TOM1L2: variants seen among roughly 807,000 people sequenced by gnomAD.
The protein encoded by TOM1L2 is target of myb1 like 2 membrane trafficking protein, also known as TOM1-like protein 2.
TOM1L2 carries 31 observed loss-of-function variants against 67.9 expected under a neutral mutation model. That is an observed-to-expected ratio of 0.46 (90% confidence interval 0.34 to 0.62). TOM1L2 has a LOEUF of 0.62. TOM1L2 is among the 20% of genes least tolerant of loss of function. The pLI is 0.01. For synonymous variants in TOM1L2, 256 were observed against 254.0 expected (o/e 1.01, Z -0.07); for missense variants, 606 against 663.5 (o/e 0.91, Z 0.95).
intron 3 of TOM1L2, among the ~76,000 whole-genome samples, chr17:17,896,241 C>T (rs2038563516): frequency 6.6e-6 from 1 of 152,102 alleles, no homozygotes; most frequent in African/African-American, 2.4e-5. Context: ...TTCCTCCCAA[C>T]TCAGGCAGTG....
rs9897573 is a variant in TOM1L2, at chr17:17,896,420, G to A, written c.216+2176C>T. The stretch of plus-strand genomic sequence containing the variant: ...CTCCACTCTCAGAGCAACAGTGGCA[G>A]GAACCACTGCCCGCCATTAGGGAAT... On this transcript the variant is annotated intron_variant, in intron 3 of 14. Transcript: ENST00000379504. 9.2e-3 allele frequency among the ~76,000 whole-genome samples: 1,396 copies of A among 152,306 alleles called. 19 individuals are homozygous for A. The highest frequency in any genetic ancestry group is 0.03 in the African/African-American group (1,227 of 41,564).
chr17:17,900,785 T>C (rs1320389447), intron 2 of TOM1L2, among the ~76,000 whole-genome samples: 1 of 152,310 alleles, frequency 6.6e-6, no homozygotes, highest in Non-Finnish European at 1.5e-5. Flanking sequence ...ATATGGGACT[T>C]AACCGGCTCT....
At chr17:17,960,961 C>T (rs144566546) in intron 1 of TOM1L2, among the ~76,000 whole-genome samples, 9 of 152,196 alleles carry the variant, frequency 5.9e-5, no homozygotes, top group Non-Finnish European at 1.3e-4. Flanking sequence ...AACTTTTGTG[C>T]ATTAAAGGAC....
intron 1 of TOM1L2, among the ~76,000 whole-genome samples, chr17:17,932,330 A>T (rs984399003): frequency 2.0e-5 from 3 of 152,162 alleles, no homozygotes; most frequent in African/African-American, 7.2e-5. Flanking sequence ...GAGTCTTGGT[A>T]CTTTGCCCAG....
At chr17:17,930,760 GT>G (rs1321895088) in intron 1 of TOM1L2, among the ~76,000 whole-genome samples, 1 of 152,180 alleles carries the variant, frequency 6.6e-6, no homozygotes, top group Non-Finnish European at 1.5e-5. Flanking sequence ...AAGAAGAAAT[GT>G]TTTACCAAGA....
intron 1 of TOM1L2, among the ~76,000 whole-genome samples, chr17:17,963,044 G>A (rs1388237022): frequency 6.6e-6 from 1 of 151,852 alleles, no homozygotes; most frequent in Non-Finnish European, 1.5e-5. Context: ...GTGCCCTCAT[G>A]GAACATTTAG....
chr17:17,896,694 C>T (rs747997662), intron 3 of TOM1L2, among the ~76,000 whole-genome samples: 14 of 152,122 alleles, frequency 9.2e-5, no homozygotes, highest in African/African-American at 3.4e-4. Context: ...CAGAATGAAG[C>T]CAAAAGCCAT....
chr17:17,855,975 A>AC lies in TOM1L2; in HGVS notation c.1279-5024dup, dbSNP rs1491136482. On this transcript the variant is annotated intron_variant, in intron 12 of 14. Transcript: ENST00000379504. The stretch of plus-strand genomic sequence containing the variant: ...ATTTGTTGTAAAGAAAAAAAAAAAA[A>AC]CAAACTGCAGTCAGTCAGGCAAGAC... Among the ~76,000 whole-genome samples the AC allele has an allele frequency of 3.4e-5, 5 of 147,926 alleles. No individual in the cohort carries two copies. The East Asian group carries it at 7.7e-4, about 23-fold the overall frequency.
chr17:17,903,541 A>C (rs951231511), intron 2 of TOM1L2, among the ~76,000 whole-genome samples: 2 of 147,960 alleles, frequency 1.4e-5, no homozygotes, highest in African/African-American at 5.0e-5. Context: ...TGAACCCGGG[A>C]GGCGGAGCTT....
intron 1 of TOM1L2, among the ~76,000 whole-genome samples, chr17:17,959,068 T>C (rs960636827): frequency 1.3e-5 from 2 of 152,234 alleles, no homozygotes; most frequent in Admixed American, 6.5e-5. Flanking sequence ...CATTTGGCTG[T>C]TGCTGAGTTA....
intron 1 of TOM1L2, among the ~76,000 whole-genome samples, chr17:17,951,352 T>A (rs1568365121): frequency 6.6e-6 from 1 of 152,196 alleles, no homozygotes; most frequent in Non-Finnish European, 1.5e-5. Flanking sequence ...TTAAAGAATA[T>A]ACAAAATGCC....
intron 12 of TOM1L2, among the ~76,000 whole-genome samples, chr17:17,853,904 T>C (rs1168453310): frequency 1.3e-5 from 2 of 152,264 alleles, no homozygotes; most frequent in Admixed American, 6.5e-5. Context: ...TAGATTGTAT[T>C]TGGCTTTCAA....
intron 1 of TOM1L2, among the ~76,000 whole-genome samples, chr17:17,945,908 A>G (rs2040929551): frequency 6.6e-6 from 1 of 152,114 alleles, no homozygotes; most frequent in Admixed American, 6.5e-5. Context: ...TCTCAGTGTC[A>G]CCCAGGCTGG....
At chr17:17,911,333 A>G (rs575523765) in intron 1 of TOM1L2, among the ~76,000 whole-genome samples, 1 of 152,272 alleles carries the variant, frequency 6.6e-6, no homozygotes, top group Non-Finnish European at 1.5e-5. Flanking sequence ...AGCCTGGCCT[A>G]CCCTACCCAG....
intron 4 of TOM1L2, among the ~76,000 whole-genome samples, chr17:17,886,577 A>G (rs1035210417): frequency 6.6e-6 from 1 of 152,250 alleles, no homozygotes; most frequent in African/African-American, 2.4e-5. Flanking sequence ...TTTAGGGTCT[A>G]AAAACCAGTT....
At chr17:17,884,553 A>G (rs2037893859) in intron 5 of TOM1L2, 81 bp downstream of exon 5, 5 of 1,567,900 alleles carry the variant, frequency 3.2e-6, no homozygotes, top group East Asian at 2.2e-5. Flanking sequence ...ATTCAAAGGC[A>G]GCAGCAGAAG....
At chr17:17,871,214 C>T (rs1568118728) in intron 7 of TOM1L2, among the ~76,000 whole-genome samples, 1 of 151,302 alleles carries the variant, frequency 6.6e-6, no homozygotes, top group African/African-American at 2.4e-5. Flanking sequence ...ACTAAAAACA[C>T]AAAAAATTAG....
chr17:17,914,809 AAGTCTTTG>A (rs1166139334), intron 1 of TOM1L2, among the ~76,000 whole-genome samples: 3 of 152,186 alleles, frequency 2.0e-5, no homozygotes, highest in African/African-American at 4.8e-5. Flanking sequence ...CTGGGTGGTC[AAGTCTTTG>A]AGTCTTTGAG....
intron 1 of TOM1L2, among the ~76,000 whole-genome samples, chr17:17,948,262 C>A (rs189762501): frequency 6.6e-6 from 1 of 152,258 alleles, no homozygotes; most frequent in African/African-American, 2.4e-5. Context: ...CGCCCTAGTC[C>A]CTACCTTGGA....
Sources: gnomAD v4.1 joint callset for allele counts (sites outside exome capture counted in the v4.1 genomes callset) on GRCh38, gnomAD v4.1.1 for gene constraint, MANE v1.5 for transcripts, NCBI Gene and HGNC (gene_info 2026-07-23, HGNC 2026-07-21) for gene names.